Variants in GLB1 observed in about 807,000 individuals in gnomAD.
GLB1 encodes the protein galactosidase beta 1.
Under a neutral mutation model 74.0 loss-of-function variants are expected in GLB1, and 56 were observed. The ratio of observed to expected loss-of-function variants is 0.76; its 90% confidence interval spans 0.61 to 0.94. GLB1 has a LOEUF of 0.94. GLB1 is among the 40% of genes least tolerant of loss of function. The probability of loss-of-function intolerance (pLI) is 0.00; values close to 1 mark genes in which losing one functional copy is unlikely to be tolerated. For synonymous variants in GLB1, 323 were observed against 323.6 expected (o/e 1.00, Z 0.02); for missense variants, 787 against 845.5 (o/e 0.93, Z 0.86).
intron 1 of GLB1, chr3:33,094,340 T>G: frequency 6.9e-7 from 1 of 1,454,006 alleles, no homozygotes; most frequent in Non-Finnish European, 9.1e-7. Context: ...TGTGGGATAT[T>G]AGAGTGTCCT....
chr3:33,074,612 G>A (rs192685780), intron 1 of GLB1, among the ~76,000 whole-genome samples: 156 of 152,160 alleles, frequency 1.0e-3, no homozygotes, highest in Non-Finnish European at 1.8e-3. Context: ...TGGTGGGGGT[G>A]GGGGTTCGAC....
At chr3:33,089,365 C>T (rs1184068447) in intron 1 of GLB1, among the ~76,000 whole-genome samples, 2 of 152,122 alleles carry the variant, frequency 1.3e-5, no homozygotes, top group Admixed American at 6.5e-5. Context: ...CTGCAAATTA[C>T]GTATCTGATA....
rs998426572 is a variant in GLB1, at chr3:33,072,825, A to G, written c.76-112T>C. The G allele has an allele frequency of 4.8e-5, 72 of 1,493,252 alleles. 1 individual carries two copies. The Admixed American group carries it at 6.2e-4, about 13-fold the overall frequency. The allele number at this position is 1,493,252 out of a possible 1,614,324, so 92.5% of individuals were successfully genotyped here. ...CCTATTGAATTTGTATAATGTGCTGATGGACTTAATGCTTGTTTTCTGAGC... is the reference window on the plus strand; with the variant it reads ...CCTATTGAATTTGTATAATGTGCTGGTGGACTTAATGCTTGTTTTCTGAGC... On this transcript the variant is annotated intron_variant, in intron 1 of 15. Transcript: ENST00000307363.
intron 9 of GLB1, among the ~76,000 whole-genome samples, chr3:33,047,519 G>A (rs1035055102): frequency 6.6e-6 from 1 of 152,222 alleles, no homozygotes; most frequent in Non-Finnish European, 1.5e-5. Context: ...AAGGCTTTGT[G>A]CCTTCCTCCT....
At chr3:32,978,765 C>CTTT in the GLB1 span, among the ~76,000 whole-genome samples, 770 of 126,030 alleles carry the variant, frequency 6.1e-3, 28 homozygotes, top group Admixed American at 7.8e-3. Context: ...TTCTTTCTTT[C>CTTT]TTTTTTTTTT....
intron 6 of GLB1, among the ~76,000 whole-genome samples, chr3:33,054,940 G>A (rs1002781139): frequency 6.6e-6 from 1 of 152,234 alleles, no homozygotes; most frequent in Admixed American, 6.5e-5. Context: ...ATCCCAGGGT[G>A]GACGTGGCCC....
rs533550655 is a variant in GLB1, at chr3:33,063,708, G to T, written c.552+1755C>A. Among the ~76,000 whole-genome samples the T allele has an allele frequency of 6.6e-5, 10 of 152,172 alleles. No homozygotes were observed. The South Asian group carries it at 2.1e-3, about 32-fold the overall frequency. On this transcript the variant is annotated intron_variant, in intron 5 of 15. Coordinates refer to ENST00000307363, the MANE Select transcript of GLB1 (RefSeq NM_000404.4). ...GTTTGCACCTGAGGCCAGAAGAAAGGAAGAAGACACAGCCATGCAGAGCAA... is the reference window on the plus strand; with the variant it reads ...GTTTGCACCTGAGGCCAGAAGAAAGTAAGAAGACACAGCCATGCAGAGCAA...
chr3:32,986,507 T>C, the GLB1 span, among the ~76,000 whole-genome samples: 2 of 152,046 alleles, frequency 1.3e-5, no homozygotes, highest in African/African-American at 2.4e-5. Context: ...GCCCCATGTG[T>C]TCTCAACACT....
At chr3:32,984,299 G>T in the GLB1 span, among the ~76,000 whole-genome samples, 1 of 151,918 alleles carries the variant, frequency 6.6e-6, no homozygotes, top group Non-Finnish European at 1.5e-5. Context: ...GGAATTCAAG[G>T]GCGTTGCTCA....
intron 1 of GLB1, among the ~76,000 whole-genome samples, chr3:33,080,125 T>C (rs1700273259): frequency 6.6e-6 from 1 of 151,984 alleles, no homozygotes; most frequent in East Asian, 1.9e-4. Flanking sequence ...TTTTTTGAGA[T>C]GGAGTTTCAC....
chr3:32,990,447 G>T, the GLB1 span, among the ~76,000 whole-genome samples: 1 of 152,070 alleles, frequency 6.6e-6, no homozygotes, highest in Non-Finnish European at 1.5e-5. Flanking sequence ...CAGTGGCATG[G>T]GGTTTAGAGT....
chr3:33,082,825 G>A (rs978325320), intron 1 of GLB1, among the ~76,000 whole-genome samples: 2 of 152,252 alleles, frequency 1.3e-5, no homozygotes, highest in Middle Eastern at 3.4e-3. Context: ...TCTGAGAGAT[G>A]AACATCACCA....
intron 15 of GLB1, among the ~76,000 whole-genome samples, chr3:32,998,466 G>A (rs997683471): frequency 1.7e-4 from 25 of 150,554 alleles, no homozygotes; most frequent in African/African-American, 4.2e-4. Context: ...CTGAGATTGC[G>A]CCACTGCACT....
Position 32,997,347 on chromosome 3 carries a change from GGAGA to G in GLB1, c.1735-7_1735-4del, listed in dbSNP as rs745361874. The G allele has an allele frequency of 4.3e-6, 7 of 1,612,470 alleles. No homozygotes were observed. Among genetic ancestry groups the G allele is most frequent in the African/African-American group, 1.3e-5 (1 of 74,964 alleles). ...AAGCCATTAATCCAGACCTGGCCCT[GGAGA>G]GAGAGAGACAGAGAACCATCAACCC... is the stretch of plus-strand genomic sequence containing the variant. On this transcript the variant is annotated splice_region_variant and splice_polypyrimidine_tract_variant and intron_variant, in intron 15 of 15. Transcript: ENST00000307363.
At chr3:33,068,152 G>A in intron 4 of GLB1, 78 bp downstream of exon 4, 1 of 1,602,588 alleles carries the variant, frequency 6.2e-7, no homozygotes, top group East Asian at 2.2e-5. Context: ...CTCCCAAAGT[G>A]TCAGGATTAC....
the GLB1 span, among the ~76,000 whole-genome samples, chr3:32,987,535 T>C: frequency 6.6e-6 from 1 of 152,212 alleles, no homozygotes; most frequent in Admixed American, 6.5e-5. Context: ...CAGGCCTGGA[T>C]TGTGAACCCC....
rs775958270 is a variant in GLB1 at position 33,051,980 on chromosome 3, A to G, written c.817T>C (p.Trp273Arg). ...TGAGGTTGGCCCCAGTGATCTAGCC[A>G]GCCAGTATAGAATTCAGAATTGATC... Reference protein sequence around the residue: ...PLINSEFYTGWLDHWGQPHST... With the variant: ...PLINSEFYTGRLDHWGQPHST... The change falls in exon 8 of 16, where the codon TGG becomes CGG. Residue 273 changes from tryptophan to arginine, a missense_variant. Coordinates refer to ENST00000307363, the MANE Select transcript of GLB1 (RefSeq NM_000404.4). The G allele has an allele frequency of 3.3e-5, 53 of 1,614,114 alleles. No homozygotes were observed. Among genetic ancestry groups the G allele is most frequent in the Admixed American group, 1.2e-4 (7 of 60,012 alleles).
At chr3:33,076,972 C>T in intron 1 of GLB1, 1 of 1,006,194 alleles carries the variant, frequency 9.9e-7, no homozygotes, top group Non-Finnish European at 1.3e-6. Context: ...GCCTGTAATC[C>T]CAGCAATTTG....
At chr3:33,043,770 G>GAAAA (rs1416758184) in intron 10 of GLB1, among the ~76,000 whole-genome samples, 1 of 22,052 alleles carries the variant, frequency 4.5e-5, no homozygotes, top group Non-Finnish European at 1.2e-4. Context: ...TACAGCATTG[G>GAAAA]GAAAGATACC....
Sources: gnomAD v4.1 joint callset for allele counts (sites outside exome capture counted in the v4.1 genomes callset) on GRCh38, gnomAD v4.1.1 for gene constraint, MANE v1.5 for transcripts, NCBI Gene and HGNC (gene_info 2026-07-23, HGNC 2026-07-21) for gene names.